Variants in MPHOSPH10 observed in about 807,000 individuals in gnomAD.
MPHOSPH10 encodes the protein M-phase phosphoprotein 10.
A neutral mutation model predicts 77.3 loss-of-function variants in MPHOSPH10; 33 were observed. That is an observed-to-expected ratio of 0.43 (90% CI 0.32 to 0.57). The LOEUF is 0.57. MPHOSPH10 is among the 20% of genes least tolerant of loss of function. The pLI is 0.07. For synonymous variants in MPHOSPH10, 245 were observed against 268.0 expected (o/e 0.91, Z 0.84); for missense variants, 708 against 780.1 (o/e 0.91, Z 1.10).
In MPHOSPH10 at chr2:71,130,764, C is replaced by T; in HGVS notation, c.89+10C>T. On this transcript the variant is annotated intron_variant, in intron 1 of 10. Coordinates refer to ENST00000244230, the MANE Select transcript of MPHOSPH10 (RefSeq NM_005791.3). The stretch of plus-strand genomic sequence containing the variant: ...CCGAGTGCTTCCTCACGTAAGTGCG[C>T]AGATCCCGGGCTCGGGGTGCGACCG... The T allele has an allele frequency of 6.3e-7, 1 of 1,599,806 alleles. No homozygotes were observed. The highest frequency in any genetic ancestry group is 8.5e-7 in the Non-Finnish European group (1 of 1,171,752).
intron 1 of MPHOSPH10, among the ~76,000 whole-genome samples, chr2:71,131,468 G>A (rs1673377940): frequency 6.6e-6 from 1 of 152,152 alleles, no homozygotes; most frequent in Non-Finnish European, 1.5e-5. Flanking sequence ...CCTATACTCT[G>A]CCATCCCCTG....
chr2:71,144,255 T>A (rs1233544164), intron 7 of MPHOSPH10, 173 bp from the exon 8 acceptor site: 1 of 545,770 alleles, frequency 1.8e-6, no homozygotes, highest in Non-Finnish European at 3.2e-6. Flanking sequence ...ACATCTCTGG[T>A]AGGTGCTGGA....
At chr2:71,138,751 A>G (rs1252831500) in intron 5 of MPHOSPH10, 120 bp downstream of exon 5, 4 of 1,350,150 alleles carry the variant, frequency 3.0e-6, no homozygotes, top group East Asian at 2.5e-5. Flanking sequence ...TTGTAAACAC[A>G]TGGCTTGGCA....
chr2:71,133,913 C>T, intron 2 of MPHOSPH10, 35 bp from the exon 3 acceptor site: 1 of 1,358,846 alleles, frequency 7.4e-7, no homozygotes. Context: ...TTTTTCTATC[C>T]CTAATTAATA....
intron 1 of MPHOSPH10, among the ~76,000 whole-genome samples, chr2:71,131,064 A>G (rs536044520): frequency 5.9e-5 from 9 of 152,218 alleles, no homozygotes; most frequent in African/African-American, 2.2e-4. Context: ...CCTTCCTCCT[A>G]TGTGCTCTCA....
chr2:71,148,531 C>T lies in MPHOSPH10; in HGVS notation c.1665+425C>T, dbSNP rs377445515. On this transcript the variant is annotated intron_variant, in intron 9 of 10. Coordinates refer to ENST00000244230, the MANE Select transcript of MPHOSPH10 (RefSeq NM_005791.3). ...TCGAGCATTTGGTTATCAGAAGAGGCTAGATATATCAAATGCAGCAATCCC... is the reference window on the plus strand; with the variant it reads ...TCGAGCATTTGGTTATCAGAAGAGGTTAGATATATCAAATGCAGCAATCCC... 4.0e-4 allele frequency: 66 copies of T among 166,292 alleles called. 1 individual carries two copies. The highest frequency in any genetic ancestry group is 1.6e-3 in the African/African-American group (65 of 41,864). 10.3% of individuals were successfully genotyped at this position (166,292 alleles called of 1,614,324 possible). A position where few individuals can be genotyped will look rare whatever the true frequency, so the allele number is the denominator to read the frequency against.
At chr2:71,131,440 A>C (rs1025344793) in intron 1 of MPHOSPH10, among the ~76,000 whole-genome samples, 4 of 152,068 alleles carry the variant, frequency 2.6e-5, no homozygotes, top group African/African-American at 9.7e-5. Context: ...TGTTTAATAG[A>C]ATTGTTGTTT....
chr2:71,145,112 C>G (rs1673682826), intron 8 of MPHOSPH10, among the ~76,000 whole-genome samples: 1 of 140,536 alleles, frequency 7.1e-6, no homozygotes. Flanking sequence ...AGGCCCAGCC[C>G]TCTCAAATGC....
Position 71,141,251 on chromosome 2 carries a change from G to A in MPHOSPH10, c.1328G>A (p.Arg443His), listed in dbSNP as rs201469945. 41 of 1,524,090 alleles carry A rather than the reference G, an allele frequency of 2.7e-5. No homozygotes were observed. Among genetic ancestry groups the A allele is most frequent in the Admixed American group, 1.0e-4 (5 of 49,110 alleles). The allele number at this position is 1,524,090 out of a possible 1,614,324, so 94.4% of individuals were successfully genotyped here. A position where few individuals can be genotyped will look rare whatever the true frequency, so the allele number is the denominator to read the frequency against. ...TTTCAGGCTTGGGATGATGTAGTAC[G>A]TAAAGAAAAACCTAAAGAGGATGCA... ...IRDQAWDDVV[R>H]KEKPKEDAYE... Residue 443 changes from arginine (R) to histidine (H), a missense_variant, in exon 7 of 11, where the codon CGT becomes CAT. Arg to His is a conservative substitution (Grantham distance 29). Transcript: ENST00000244230.
At chr2:71,134,866 C>T (rs924967997) in intron 4 of MPHOSPH10, 69 bp downstream of exon 4, 1 of 1,258,132 alleles carries the variant, frequency 7.9e-7, no homozygotes, top group Non-Finnish European at 1.1e-6. Flanking sequence ...ATTAACCATC[C>T]TTTGAAAACA....
In MPHOSPH10 at chr2:71,134,684, A is replaced by G. The variant is rs1165472104; in HGVS notation, c.985A>G (p.Lys329Glu). 6.2e-7 allele frequency: 1 copy of G among 1,612,190 alleles called. No individual in the cohort carries two copies. Residue 329 changes from lysine (K) to glutamate (E), a missense_variant, in exon 4 of 11, where the codon AAA (lysine) becomes GAA (glutamate). Around this residue, in one of 3 missense-constraint regions of MPHOSPH10, gnomAD observed 433 missense variants for 432.6 expected, o/e 1.00. Coordinates refer to ENST00000244230, the MANE Select transcript of MPHOSPH10 (RefSeq NM_005791.3). ...CAATAAACAACATAAAGAAAGCTTG[A>G]AAAGAGTGACCTTTGCTTTACCAGA... ...EDNKQHKESL[K>E]RVTFALPDDA...
chr2:71,146,286 C>G (rs1673705136), intron 8 of MPHOSPH10, among the ~76,000 whole-genome samples: 1 of 151,446 alleles, frequency 6.6e-6, no homozygotes, highest in Non-Finnish European at 1.5e-5. Context: ...GTATTTCACA[C>G]CATCTCTGTA....
intron 8 of MPHOSPH10, among the ~76,000 whole-genome samples, chr2:71,146,935 C>A (rs575614629): frequency 2.6e-5 from 4 of 152,186 alleles, no homozygotes; most frequent in Non-Finnish European, 5.9e-5. Context: ...CAGTATGAAA[C>A]CTGTTTTAAT....
chr2:71,148,546 G>A (rs1673759326), intron 9 of MPHOSPH10: 1 of 162,940 alleles, frequency 6.1e-6, no homozygotes, highest in Non-Finnish European at 1.4e-5. Flanking sequence ...TATATCAAAT[G>A]CAGCAATCCC....
Position 71,149,338 on chromosome 2 carries a change from A to G in MPHOSPH10, c.1781A>G (p.Lys594Arg). Residue 594 changes from lysine to arginine, a missense_variant, in exon 10 of 11, where the codon AAG (lysine) becomes AGG (arginine). By Grantham distance (26) the Lys-to-Arg change is conservative (BLOSUM62 2). This residue lies in a region of MPHOSPH10 where 263 missense variants were observed against 320.0 expected (regional missense o/e 0.82). Coordinates refer to ENST00000244230, the MANE Select transcript of MPHOSPH10 (RefSeq NM_005791.3). ...QKRMKIKEKE[K>R]RRKLLEKSSV... ...CGTATGAAAATAAAAGAGAAGGAGA[A>G]GCGGAGAAAACTGCTTGAAAAGAGC... is the stretch of plus-strand genomic sequence containing the variant. The G allele has an allele frequency of 1.2e-6, 2 of 1,614,034 alleles. No individual in the cohort carries two copies. The highest frequency in any genetic ancestry group is 1.7e-6 in the Non-Finnish European group (2 of 1,179,928).
intron 4 of MPHOSPH10, among the ~76,000 whole-genome samples, chr2:71,137,493 T>C (rs6716795): frequency 0.44 from 67,006 of 151,572 alleles, 15,930 homozygotes; most frequent in Non-Finnish European, 0.54. Flanking sequence ...ACCTCGTCTC[T>C]ACAAAAAATA....
At chr2:71,139,065 A>G in intron 5 of MPHOSPH10, 1 of 325,814 alleles carries the variant, frequency 3.1e-6, no homozygotes, top group Non-Finnish European at 5.7e-6. Context: ...CAACTTATAA[A>G]CACAGAAGAG....
In MPHOSPH10 at chr2:71,133,403, ATAG is replaced by A. The variant is rs1673424809; in HGVS notation, c.599_601del (p.Val200del). ...ACAGGGAAAACCAAGAGAAAAGTCCATAGTAGATGATAAATTCTTCAAACTCTC... is the reference window on the plus strand; with the variant it reads ...ACAGGGAAAACCAAGAGAAAAGTCCATAGATGATAAATTCTTCAAACTCTC... On this transcript the variant is annotated inframe_deletion, in exon 2 of 11. Coordinates refer to ENST00000244230, the MANE Select transcript of MPHOSPH10 (RefSeq NM_005791.3). 6.2e-7 allele frequency: 1 copy of A among 1,614,022 alleles called. No homozygotes were observed. Among genetic ancestry groups the A allele is most frequent in the Non-Finnish European group, 8.5e-7 (1 of 1,180,020 alleles).
intron 1 of MPHOSPH10, 37 bp downstream of exon 1, chr2:71,130,791 G>T (rs750979585): frequency 6.4e-7 from 1 of 1,568,764 alleles, no homozygotes; most frequent in Non-Finnish European, 8.7e-7. Context: ...GTGCGACCGG[G>T]GTCTCACGTG....
Sources: gnomAD v4.1 joint callset for allele counts (sites outside exome capture counted in the v4.1 genomes callset) on GRCh38, gnomAD v4.1.1 for gene constraint, gnomAD v4.1.1 regional missense constraint, MANE v1.5 for transcripts, NCBI Gene and HGNC (gene_info 2026-07-23, HGNC 2026-07-21) for gene names.